The following ADCY8 variants were observed in gnomAD, a reference collection of about 807,000 sequenced individuals.
ADCY8 encodes adenylate cyclase 8, also known as adenylate cyclase type 8.
Under a neutral mutation model 119.7 loss-of-function variants are expected in ADCY8, and 51 were observed. That is an observed-to-expected ratio of 0.43 (90% CI 0.34 to 0.54). The LOEUF is 0.54. ADCY8 is among the 20% of genes least tolerant of loss of function. The pLI is 0.03. For missense variants in ADCY8, 1,383 were observed against 1,598.8 expected, an observed-to-expected ratio of 0.87 and a Z score of 2.30; for synonymous variants, 665 against 651.0, an observed-to-expected ratio of 1.02 and a Z score of -0.33.
chr8:131,003,915 TTAAC>T (rs1165271295), intron 1 of ADCY8, among the ~76,000 whole-genome samples: 3 of 151,944 alleles, frequency 2.0e-5, no homozygotes, highest in East Asian at 1.9e-4. Context: ...GGGAGGGAAA[TTAAC>T]TATGTGGTTG....
At chr8:130,882,122 T>G (rs1175015702) in intron 8 of ADCY8, among the ~76,000 whole-genome samples, 1 of 147,240 alleles carries the variant, frequency 6.8e-6, no homozygotes, top group Non-Finnish European at 1.5e-5. Context: ...ATTGAGGTTT[T>G]TTTTTTTTTT....
chr8:130,988,703 TA>T (rs1169329794), intron 2 of ADCY8, among the ~76,000 whole-genome samples: 6 of 151,828 alleles, frequency 4.0e-5, no homozygotes, highest in South Asian at 2.1e-4. Context: ...TCTGCAAACT[TA>T]AAAAAAATAA....
At position 130,800,498 on chromosome 8, in the gene ADCY8, A is replaced by G; in HGVS notation, c.2988T>C (p.Ser996=). 6.2e-7 allele frequency: 1 copy of G among 1,614,192 alleles called. No homozygotes were observed. ...CTCCCTGGTTATTCATTTCAGTCTG[A>G]GAGTAAAAGTCCGCAAATCCTGGGA... is the stretch of plus-strand genomic sequence containing the variant. The part of the protein sequence containing the change: ...ASIPGFADFY[S]QTEMNNQGVE... The change falls in exon 15 of 18, where the codon TCT becomes TCC. Residue 996 remains serine, a synonymous_variant. Transcript: ENST00000286355.
rs118167904 is a variant in ADCY8 at position 130,915,156 on chromosome 8, C to T, written c.1482-5290G>A. Among the ~76,000 whole-genome samples, 140 of 152,292 alleles carry T rather than the reference C, an allele frequency of 9.2e-4. 4 individuals carry two copies. The East Asian group carries it at 0.026, about 28-fold the overall frequency. On this transcript the variant is annotated intron_variant, in intron 5 of 17. Transcript: ENST00000286355. ...CGTAATTATCATTATTATTTTTGCT[C>T]ACCTCTGTCTAGCTGGGGACAAATC...
intron 5 of ADCY8, among the ~76,000 whole-genome samples, chr8:130,931,270 T>A (rs1179640076): frequency 6.6e-6 from 1 of 152,228 alleles, no homozygotes; most frequent in Non-Finnish European, 1.5e-5. Context: ...TCCCACTTTC[T>A]CCTAGCCTGT....
chr8:130,943,305 T>G, intron 4 of ADCY8, 46 bp downstream of exon 4: 1 of 1,313,740 alleles, frequency 7.6e-7, no homozygotes, highest in Non-Finnish European at 1.1e-6. Context: ...CCATATGCAG[T>G]CCCTCACTCC....
chr8:130,917,449 G>A (rs1820162662), intron 5 of ADCY8, among the ~76,000 whole-genome samples: 1 of 152,166 alleles, frequency 6.6e-6, no homozygotes, highest in Non-Finnish European at 1.5e-5. Context: ...GCTGCTGCTT[G>A]CACTCCCTTC....
intron 17 of ADCY8, 114 bp downstream of exon 17, chr8:130,783,577 A>C (rs779064360): frequency 1.5e-6 from 1 of 669,150 alleles, no homozygotes. Flanking sequence ...GTCATGCTAG[A>C]TCTATTGCAT....
At chr8:130,908,513 A>G (rs577898368) in intron 6 of ADCY8, among the ~76,000 whole-genome samples, 27 of 120,614 alleles carry the variant, frequency 2.2e-4, no homozygotes, top group African/African-American at 7.1e-4. Flanking sequence ...ACAGTGTACA[A>G]AAAAAAGCGC....
intron 8 of ADCY8, among the ~76,000 whole-genome samples, chr8:130,875,315 A>G (rs1818520197): frequency 6.6e-6 from 1 of 152,224 alleles, no homozygotes; most frequent in African/African-American, 2.4e-5. Flanking sequence ...GTTGGGACTT[A>G]CTAGAGCAGT....
At chr8:130,917,609 A>G (rs1820168008) in intron 5 of ADCY8, among the ~76,000 whole-genome samples, 1 of 152,158 alleles carries the variant, frequency 6.6e-6, no homozygotes, top group African/African-American at 2.4e-5. Flanking sequence ...TAGAAGAACA[A>G]TAGAGACCAA....
In ADCY8 at chr8:130,780,552, T is replaced by C. The variant is rs75659147; in HGVS notation, c.3594A>G (p.Gly1198=). ...TTTGCCTATTGAGGGACTGGACAAG[T>C]CCCAGGACAACCGCGGCCAGGGAGT... The part of the protein sequence containing the change: ...GQYSLAAVVL[G]LVQSLNRQRQ... The change falls in exon 18 of 18, where the codon GGA becomes GGG. Residue 1198 remains glycine (G), a synonymous_variant. Coordinates refer to ENST00000286355, the MANE Select transcript of ADCY8 (RefSeq NM_001115.3). 523 of 1,614,144 alleles carry C rather than the reference T, an allele frequency of 3.2e-4. No individual in the cohort carries two copies. The African/African-American group carries it at 5.9e-3, about 18-fold the overall frequency.
At chr8:130,932,024 C>A (rs1165753034) in intron 5 of ADCY8, among the ~76,000 whole-genome samples, 1 of 152,094 alleles carries the variant, frequency 6.6e-6, no homozygotes, top group East Asian at 1.9e-4. Context: ...CATCATTGTG[C>A]CTCAATCCCT....
At chr8:130,976,358 T>A (rs1822071775) in intron 2 of ADCY8, among the ~76,000 whole-genome samples, 1 of 152,216 alleles carries the variant, frequency 6.6e-6, no homozygotes, top group South Asian at 2.1e-4. Context: ...TATTTCATTA[T>A]TGTAGGTGTC....
chr8:130,971,497 A>C (rs1821921207), intron 2 of ADCY8, among the ~76,000 whole-genome samples: 1 of 152,194 alleles, frequency 6.6e-6, no homozygotes, highest in Non-Finnish European at 1.5e-5. Context: ...TCATTCATTT[A>C]TCTATTGAGA....
chr8:130,935,793 C>G (rs1484453552), intron 5 of ADCY8, among the ~76,000 whole-genome samples: 1 of 152,134 alleles, frequency 6.6e-6, no homozygotes, highest in Admixed American at 6.5e-5. Flanking sequence ...AGTTTGTTTC[C>G]TTTGTGAAAA....
intron 9 of ADCY8, among the ~76,000 whole-genome samples, chr8:130,859,826 TCTCACCTA>T (rs1817867931): frequency 6.6e-6 from 1 of 152,176 alleles, no homozygotes; most frequent in East Asian, 1.9e-4. Context: ...CCCAAGCTCC[TCTCACCTA>T]ACGATCTATT....
At chr8:130,781,248 C>CTGGT (rs1815070795) in intron 17 of ADCY8, among the ~76,000 whole-genome samples, 2 of 152,264 alleles carry the variant, frequency 1.3e-5, no homozygotes, top group South Asian at 4.2e-4. Context: ...GAAGTCAGGA[C>CTGGT]CCTAGGATCT....
chr8:130,976,528 T>C (rs7465434), intron 2 of ADCY8, among the ~76,000 whole-genome samples: 3,316 of 152,308 alleles, frequency 0.022, 43 homozygotes, highest in East Asian at 0.059. Flanking sequence ...TTGAACACCA[T>C]CATCTACATA....
Sources: allele counts gnomAD v4.1 joint callset (sites outside exome capture counted in the v4.1 genomes callset), GRCh38; gene constraint gnomAD v4.1.1; transcripts MANE v1.5; gene names NCBI Gene and HGNC (gene_info 2026-07-23, HGNC 2026-07-21).